Variants in DOCK10 observed in about 807,000 individuals in gnomAD.
DOCK10 encodes dedicator of cytokinesis 10.
In DOCK10, 145 loss-of-function variants were observed where a neutral mutation model predicts 280.1. The observed-to-expected ratio is 0.52, with a 90% confidence interval of 0.45 to 0.59. The LOEUF (loss-of-function observed/expected upper bound fraction) is 0.59, where lower values mean the gene tolerates loss of function less well. DOCK10 is among the 20% of genes least tolerant of loss of function. The pLI is 0.00. For synonymous variants in DOCK10, 915 were observed against 942.2 expected (o/e 0.97, Z 0.53); for missense variants, 2,368 against 2,651.7 (o/e 0.89, Z 2.35).
chr2:224,882,109 C>A (rs575788495), intron 7 of DOCK10, among the ~76,000 whole-genome samples: 1 of 152,312 alleles, frequency 6.6e-6, no homozygotes, highest in East Asian at 1.9e-4. Context: ...AGCTTATTAT[C>A]ATTGCTGAGA....
At chr2:225,020,814 GT>G (rs1164809486) in intron 1 of DOCK10, among the ~76,000 whole-genome samples, 1 of 152,172 alleles carries the variant, frequency 6.6e-6, no homozygotes, top group Non-Finnish European at 1.5e-5. Context: ...TCCCAAGGAT[GT>G]TGGGTTTCAC....
chr2:224,917,377 C>CT (rs1701398163), intron 2 of DOCK10, among the ~76,000 whole-genome samples: 6 of 152,058 alleles, frequency 3.9e-5, no homozygotes, highest in African/African-American at 1.2e-4. Flanking sequence ...AAAGTGGAAT[C>CT]TTTTTTATTA....
intron 1 of DOCK10, among the ~76,000 whole-genome samples, chr2:224,955,281 T>C (rs1346094117): frequency 6.6e-6 from 1 of 152,158 alleles, no homozygotes; most frequent in Non-Finnish European, 1.5e-5. Flanking sequence ...AATGGAAAAA[T>C]TGGTCAATTT....
At chr2:224,936,476 G>A (rs1355108896) in intron 1 of DOCK10, among the ~76,000 whole-genome samples, 1 of 152,048 alleles carries the variant, frequency 6.6e-6, no homozygotes, top group Non-Finnish European at 1.5e-5. Flanking sequence ...GGGATAGTAA[G>A]GGCACCAACT....
At chr2:225,039,536 G>C (rs1690358234) in intron 1 of DOCK10, among the ~76,000 whole-genome samples, 1 of 151,946 alleles carries the variant, frequency 6.6e-6, no homozygotes, top group Non-Finnish European at 1.5e-5. Flanking sequence ...CAGTGCTTTG[G>C]GTAAAAACTG....
chr2:224,999,013 C>T (rs948254895), intron 1 of DOCK10, among the ~76,000 whole-genome samples: 1 of 152,082 alleles, frequency 6.6e-6, no homozygotes, highest in African/African-American at 2.4e-5. Context: ...ATGGTGAAAC[C>T]TCGGCTCTAC....
intron 2 of DOCK10, among the ~76,000 whole-genome samples, chr2:224,925,367 A>G (rs139003576): frequency 1.3e-5 from 2 of 152,294 alleles, no homozygotes; most frequent in East Asian, 3.9e-4. Flanking sequence ...TATGATATCC[A>G]CTATTCTGAG....
chr2:224,785,281 G>A (rs1205330320), intron 50 of DOCK10, among the ~76,000 whole-genome samples: 3 of 119,520 alleles, frequency 2.5e-5, no homozygotes, highest in Non-Finnish European at 4.9e-5. Context: ...CCCCAAAAAT[G>A]TCTAAATTTG....
chr2:224,953,927 CAG>C (rs201349817), intron 1 of DOCK10, among the ~76,000 whole-genome samples: 1 of 130,610 alleles, frequency 7.7e-6, no homozygotes, highest in Non-Finnish European at 1.6e-5. Flanking sequence ...TCTGTGTGTG[CAG>C]AGTGTGTGTG....
chr2:224,844,468 G>A (rs955287907), intron 22 of DOCK10, among the ~76,000 whole-genome samples: 13 of 152,226 alleles, frequency 8.5e-5, no homozygotes, highest in African/African-American at 2.6e-4. Flanking sequence ...ACATGAGTGT[G>A]GTCAGTGGAA....
At position 224,768,354 on chromosome 2, in the gene DOCK10, T is replaced by C. The variant is rs573946267; in HGVS notation, c.6444+1857A>G. Among the ~76,000 whole-genome samples, 14 of 152,316 alleles carry C rather than the reference T, an allele frequency of 9.2e-5. No homozygotes were observed. In the South Asian group the frequency reaches 2.5e-3, roughly 27 times the overall value. ...TGGAGACCTAGGTGACAAATCCCCA[T>C]TGAAGTTCAGAACCAGGAGAAGGTG... On this transcript the variant is annotated intron_variant, in intron 55 of 55. Coordinates refer to ENST00000258390, the MANE Select transcript of DOCK10 (RefSeq NM_014689.3).
intron 27 of DOCK10, 84 bp downstream of exon 27, chr2:224,830,457 G>T: frequency 1.4e-6 from 1 of 709,900 alleles, no homozygotes; most frequent in Non-Finnish European, 2.1e-6. Flanking sequence ...AAATAAAAAT[G>T]GAACTCATGA....
At position 224,975,401 on chromosome 2, in the gene DOCK10, C is replaced by T. The variant is rs556640514; in HGVS notation, c.124-43733G>A. Reference sequence around the variant, plus strand: ...TTAAACTCATACTCCATGACACAGGCTTTCTTTCCCAGGGGAATCTGATAA... The same window carrying T: ...TTAAACTCATACTCCATGACACAGGTTTTCTTTCCCAGGGGAATCTGATAA... On this transcript the variant is annotated intron_variant, in intron 1 of 55. Transcript: ENST00000258390. Among the ~76,000 whole-genome samples the T allele has an allele frequency of 1.2e-4, 18 of 152,296 alleles. No homozygotes were observed. The South Asian group carries it at 3.7e-3, about 32-fold the overall frequency.
intron 18 of DOCK10, 61 bp from the exon 19 acceptor site, chr2:224,849,660 A>G (rs1696598787): frequency 8.1e-7 from 1 of 1,239,276 alleles, no homozygotes; most frequent in Non-Finnish European, 1.2e-6. Context: ...TGGGTGAAAA[A>G]AAAGTCCATA....
At chr2:224,900,941 T>C (rs1325088331) in intron 3 of DOCK10, among the ~76,000 whole-genome samples, 1 of 152,050 alleles carries the variant, frequency 6.6e-6, no homozygotes, top group East Asian at 1.9e-4. Flanking sequence ...TCTGATTTTA[T>C]TTGCTAGGCT....
intron 18 of DOCK10, among the ~76,000 whole-genome samples, chr2:224,849,858 G>A (rs549047145): frequency 6.6e-6 from 1 of 152,206 alleles, no homozygotes; most frequent in East Asian, 1.9e-4. Flanking sequence ...AATACCTGTG[G>A]GACAGGAATA....
chr2:225,035,576 ATATATATAT>A lies in DOCK10; in HGVS notation c.123+6667_123+6675del, dbSNP rs1559986923. Among the ~76,000 whole-genome samples, 19 of 97,050 alleles carry A rather than the reference ATATATATAT, an allele frequency of 2.0e-4. 1 individual carries two copies. The highest frequency in any genetic ancestry group is 9.9e-4 in the South Asian group (3 of 3,020). The allele number at this position is 97,050 out of a possible 152,430, so 63.7% of individuals were successfully genotyped here. On this transcript the variant is annotated intron_variant, in intron 1 of 55. Transcript: ENST00000258390. ...TATATATATATATATATATATATAT[ATATATATAT>A]ATAACACTGAATCAGTGTTAATTGT... is the stretch of plus-strand genomic sequence containing the variant.
intron 4 of DOCK10, chr2:224,893,734 C>A: frequency 5.5e-6 from 2 of 362,512 alleles, no homozygotes; most frequent in Admixed American, 4.2e-5. Flanking sequence ...TTTTTTTTTG[C>A]TTTTCTATAA....
chr2:224,795,979 A>G (rs1175743838), intron 44 of DOCK10, among the ~76,000 whole-genome samples: 3 of 152,138 alleles, frequency 2.0e-5, no homozygotes, highest in African/African-American at 7.2e-5. Flanking sequence ...TAACGATTCA[A>G]ACAATAAACT....
Sources: gnomAD v4.1 joint callset for allele counts (sites outside exome capture counted in the v4.1 genomes callset) on GRCh38, gnomAD v4.1.1 for gene constraint, MANE v1.5 for transcripts, NCBI Gene and HGNC (gene_info 2026-07-23, HGNC 2026-07-21) for gene names.